The following GAP43 variants were observed in gnomAD, a reference collection of about 807,000 sequenced individuals.
GAP43 encodes the protein growth associated protein 43.
Under a neutral mutation model 18.6 loss-of-function variants are expected in GAP43, and 6 were observed. The observed-to-expected ratio is 0.32, with a 90% CI of 0.18 to 0.64. The LOEUF (loss-of-function observed/expected upper bound fraction) is 0.64. Among genes scored for constraint, GAP43 ranks in the 30% least tolerant of loss-of-function variants. The pLI, the probability that GAP43 is intolerant of heterozygous loss-of-function variation, is 0.78. For synonymous variants in GAP43, 115 were observed against 111.4 expected, an observed-to-expected ratio of 1.03 and a Z score of -0.20; for missense variants, 292 against 295.5, an observed-to-expected ratio of 0.99 and a Z score of 0.09.
chr3:115,690,134 C>A (rs925785140), intron 2 of GAP43, among the ~76,000 whole-genome samples: 1 of 152,232 alleles, frequency 6.6e-6, no homozygotes, highest in East Asian at 1.9e-4. Context: ...AAACAGCAGG[C>A]CCTAAAGGGT....
At chr3:115,674,010 G>A (rs189053492) in intron 1 of GAP43, among the ~76,000 whole-genome samples, 2 of 152,252 alleles carry the variant, frequency 1.3e-5, no homozygotes, top group Admixed American at 6.5e-5. Flanking sequence ...AGGTCTGTAC[G>A]CTTGTCCAAA....
intron 1 of GAP43, among the ~76,000 whole-genome samples, chr3:115,632,729 A>C (rs954927402): frequency 6.6e-5 from 10 of 152,148 alleles, no homozygotes; most frequent in African/African-American, 2.4e-4. Flanking sequence ...TATTGTACAT[A>C]TTTTCCCAAA....
chr3:115,658,598 G>T (rs889865459), intron 1 of GAP43: 1 of 152,090 alleles, frequency 6.6e-6, no homozygotes, highest in Non-Finnish European at 1.5e-5. Context: ...ACCGCAGGGC[G>T]TGGCGCGGCC....
chr3:115,693,314 T>G (rs893572020), intron 2 of GAP43, among the ~76,000 whole-genome samples: 2 of 152,160 alleles, frequency 1.3e-5, no homozygotes, highest in Non-Finnish European at 2.9e-5. Flanking sequence ...AGCTAATTTT[T>G]AAAAGTAGTC....
chr3:115,652,260 T>C (rs1254533092), intron 1 of GAP43, among the ~76,000 whole-genome samples: 2 of 152,034 alleles, frequency 1.3e-5, no homozygotes, highest in Admixed American at 1.3e-4. Context: ...CTTTCATTTG[T>C]TGTTACCATA....
chr3:115,690,502 T>C (rs1049283929), intron 2 of GAP43, among the ~76,000 whole-genome samples: 2 of 152,102 alleles, frequency 1.3e-5, no homozygotes, highest in African/African-American at 4.8e-5. Flanking sequence ...CCTCACTGCA[T>C]GGTTTTAATG....
chr3:115,707,388 C>T (rs1238968686), intron 2 of GAP43, among the ~76,000 whole-genome samples: 1 of 152,158 alleles, frequency 6.6e-6, no homozygotes, highest in African/African-American at 2.4e-5. Context: ...CTCCCAGGCT[C>T]AAGTGATCCT....
chr3:115,674,595 G>A (rs1482034074), intron 1 of GAP43, among the ~76,000 whole-genome samples: 1 of 152,138 alleles, frequency 6.6e-6, no homozygotes, highest in Non-Finnish European at 1.5e-5. Flanking sequence ...ATTGCTTTGG[G>A]AATAAAGAAT....
intron 1 of GAP43, among the ~76,000 whole-genome samples, chr3:115,673,192 T>C (rs1708836679): frequency 6.6e-6 from 1 of 152,172 alleles, no homozygotes; most frequent in Non-Finnish European, 1.5e-5. Flanking sequence ...TTCTGATTTT[T>C]TAGAAAATTG....
chr3:115,687,297 G>C (rs1365007234), intron 2 of GAP43, among the ~76,000 whole-genome samples: 4 of 152,054 alleles, frequency 2.6e-5, no homozygotes, highest in African/African-American at 9.7e-5. Context: ...CAATGAGTAT[G>C]GATAACTGCA....
chr3:115,714,446 C>T (rs1709476044), intron 2 of GAP43, among the ~76,000 whole-genome samples: 1 of 152,056 alleles, frequency 6.6e-6, no homozygotes, highest in African/African-American at 2.4e-5. Flanking sequence ...CATTATCTGT[C>T]CAAATGACTG....
At chr3:115,680,705 A>G (rs1708949867) in intron 2 of GAP43, among the ~76,000 whole-genome samples, 1 of 152,244 alleles carries the variant, frequency 6.6e-6, no homozygotes, top group South Asian at 2.1e-4. Flanking sequence ...AAAACGTTGC[A>G]TATAATGTAT....
Position 115,623,556 on chromosome 3 carries a change from G to T in GAP43, c.-134G>T. The T allele has an allele frequency of 9.1e-7, 1 of 1,097,024 alleles. No individual in the cohort carries two copies. Among genetic ancestry groups the T allele is most frequent in the Non-Finnish European group, 1.4e-6 (1 of 735,746 alleles). 68.0% of individuals were successfully genotyped at this position (1,097,024 alleles called of 1,614,324 possible). On this transcript the variant is annotated 5_prime_UTR_variant, in exon 1 of 3. It adds an upstream start codon to the 5' untranslated region. Coordinates refer to ENST00000305124, the MANE Select transcript of GAP43 (RefSeq NM_002045.4). ...GGTGTGTGTGAGGGAGAGAGAGGGA[G>T]GGAGGGAGAGAGAGCGCGCTAGCGC...
chr3:115,694,480 T>C (rs979219410), intron 2 of GAP43, among the ~76,000 whole-genome samples: 1 of 152,230 alleles, frequency 6.6e-6, no homozygotes, highest in African/African-American at 2.4e-5. Flanking sequence ...GCAACAATAA[T>C]ACCGATGATG....
intron 2 of GAP43, among the ~76,000 whole-genome samples, chr3:115,687,241 A>G (rs1213952067): frequency 6.6e-6 from 1 of 152,158 alleles, no homozygotes; most frequent in Non-Finnish European, 1.5e-5. Context: ...GACAGCAATA[A>G]AAGAGTCAAT....
At chr3:115,647,025 T>C (rs181829674) in intron 1 of GAP43, among the ~76,000 whole-genome samples, 1 of 151,994 alleles carries the variant, frequency 6.6e-6, no homozygotes, top group Non-Finnish European at 1.5e-5. Flanking sequence ...TCCCCTCACA[T>C]TTCCTCTGTT....
chr3:115,670,507 C>A (rs1708804295), intron 1 of GAP43, among the ~76,000 whole-genome samples: 1 of 152,164 alleles, frequency 6.6e-6, no homozygotes, highest in African/African-American at 2.4e-5. Context: ...TGTCTTCTCT[C>A]TCCTCCCTAA....
chr3:115,663,500 A>AT (rs1708693163), intron 1 of GAP43: 1 of 1,176,336 alleles, frequency 8.5e-7, no homozygotes, highest in South Asian at 3.0e-5. Context: ...GCTCTCTGAT[A>AT]TTTTTCTCTT....
intron 1 of GAP43, among the ~76,000 whole-genome samples, chr3:115,661,891 G>T (rs55961740): frequency 7.1e-6 from 1 of 140,374 alleles, no homozygotes. Context: ...GCTCACAAGA[G>T]AAGTGGGAAG....
Sources: allele counts gnomAD v4.1 joint callset (sites outside exome capture counted in the v4.1 genomes callset), GRCh38; gene constraint gnomAD v4.1.1; transcripts MANE v1.5; gene names NCBI Gene and HGNC (gene_info 2026-07-23, HGNC 2026-07-21).